DYNC2I1: variants seen among roughly 807,000 people sequenced by gnomAD.
DYNC2I1 encodes the protein dynein 2 intermediate chain 1.
Under a neutral mutation model 133.4 loss-of-function variants are expected in DYNC2I1, and 89 were observed. The observed-to-expected ratio is 0.67, with a 90% CI of 0.56 to 0.80. DYNC2I1 has a LOEUF of 0.80. Among genes scored for constraint, DYNC2I1 ranks in the 30% least tolerant of loss-of-function variants. The pLI, the probability that DYNC2I1 is intolerant of heterozygous loss-of-function variation, is 0.00. For missense variants in DYNC2I1, 1,291 were observed against 1,314.5 expected, an observed-to-expected ratio of 0.98 and a Z score of 0.28; for synonymous variants, 504 against 484.3, an observed-to-expected ratio of 1.04 and a Z score of -0.54.
chr7:158,849,868 A>G, the DYNC2I1 span, among the ~76,000 whole-genome samples: 2 of 152,216 alleles, frequency 1.3e-5, no homozygotes, highest in African/African-American at 4.8e-5. Context: ...TGGGTGGCCA[A>G]GGGCAGCCCA....
At chr7:158,915,138 G>C (rs1363442698) in intron 14 of DYNC2I1, among the ~76,000 whole-genome samples, 171 of 150,220 alleles carry the variant, frequency 1.1e-3, no homozygotes, top group East Asian at 1.2e-3. Flanking sequence ...CGCTGGTTGA[G>C]ATTAAGGATG....
chr7:158,927,077 T>G, intron 20 of DYNC2I1, 34 bp downstream of exon 20: 2 of 1,465,192 alleles, frequency 1.4e-6, no homozygotes, highest in Non-Finnish European at 1.9e-6. Context: ...ATTTTAGTGT[T>G]TTCTAAAATG....
intron 20 of DYNC2I1, 30 bp downstream of exon 20, chr7:158,927,073 G>C: frequency 6.7e-7 from 1 of 1,502,908 alleles, no homozygotes. Flanking sequence ...ATTAATTTTA[G>C]TGTTTTCTAA....
At chr7:158,886,171 G>A (rs369198085) in intron 6 of DYNC2I1, among the ~76,000 whole-genome samples, 4 of 151,524 alleles carry the variant, frequency 2.6e-5, no homozygotes, top group African/African-American at 7.3e-5. Flanking sequence ...TTGCTCTGTC[G>A]CCAGGCTGAA....
At chr7:158,911,995 G>A (rs1393264998) in intron 12 of DYNC2I1, among the ~76,000 whole-genome samples, 1 of 152,140 alleles carries the variant, frequency 6.6e-6, no homozygotes, top group East Asian at 1.9e-4. Context: ...TATTTATTTA[G>A]AGACAGTCTC....
intron 23 of DYNC2I1, among the ~76,000 whole-genome samples, chr7:158,941,168 A>G (rs191817004): frequency 3.3e-4 from 51 of 152,342 alleles, no homozygotes; most frequent in Middle Eastern, 3.4e-3. Context: ...CAGAAATACA[A>G]ATAATCATTA....
chr7:158,883,758 G>A (rs1844304541), intron 5 of DYNC2I1, among the ~76,000 whole-genome samples: 1 of 147,738 alleles, frequency 6.8e-6, no homozygotes, highest in African/African-American at 2.5e-5. Flanking sequence ...CCGCCTCCCG[G>A]GTTCACGCCA....
chr7:158,854,959 C>G (rs1183403377), upstream of DYNC2I1, among the ~76,000 whole-genome samples: 1 of 152,228 alleles, frequency 6.6e-6, no homozygotes, highest in Non-Finnish European at 1.5e-5. Context: ...CCGGCCCTGC[C>G]TTCACGGGGG....
chr7:158,842,417 G>C, the DYNC2I1 span, among the ~76,000 whole-genome samples: 1 of 152,228 alleles, frequency 6.6e-6, no homozygotes. Context: ...AGCCGACATA[G>C]TGTGACCTGG....
At chr7:158,869,572 T>C (rs1439987073) in intron 1 of DYNC2I1, 2 of 520,400 alleles carry the variant, frequency 3.8e-6, no homozygotes, top group East Asian at 1.0e-4. Flanking sequence ...CCTTCCTCTG[T>C]TGTTCAACTG....
chr7:158,926,999 T>A lies in DYNC2I1; in HGVS notation c.2441T>A (p.Val814Asp). 1 of 1,603,072 alleles carries A rather than the reference T, an allele frequency of 6.2e-7. No homozygotes were observed. Among genetic ancestry groups the A allele is most frequent in the Non-Finnish European group, 8.5e-7 (1 of 1,173,954 alleles). The change falls in exon 20 of 25, where the codon GTT becomes GAT. Residue 814 changes from valine (V) to aspartate (D), a missense_variant. By Grantham distance (152) the Val-to-Asp change is radical. Coordinates refer to ENST00000407559, the MANE Select transcript of DYNC2I1 (RefSeq NM_018051.5). ...TCAATATTCTGTTTTTAGGTGGTTG[T>A]TGAATTACCAAAGGCAGACATCGCA... ...ESGVLNVWVV[V>D]ELPKADIAGS...
chr7:158,897,751 C>T (rs1845886423), intron 8 of DYNC2I1, among the ~76,000 whole-genome samples: 3 of 152,024 alleles, frequency 2.0e-5, no homozygotes, highest in African/African-American at 7.2e-5. Flanking sequence ...TTGATTTCTG[C>T]TCTAATTATT....
rs923128079 is a variant in DYNC2I1, at chr7:158,945,353, C to T, written c.3003-228C>T. Among the ~76,000 whole-genome samples the T allele has an allele frequency of 9.9e-5, 15 of 152,190 alleles. No homozygotes were observed. The highest frequency in any genetic ancestry group is 3.1e-4 in the African/African-American group (13 of 41,440). On this transcript the variant is annotated intron_variant, in intron 24 of 24. Coordinates refer to ENST00000407559, the MANE Select transcript of DYNC2I1 (RefSeq NM_018051.5). This position sits in a 1 kb window ranked among gnomAD's most constrained non-coding sequence, Gnocchi z 4.1. ...CTCCCGGCCTGAGGAGACAGCAGCA[C>T]GTCCTCATCACTTACCTCTGCGAAG...
the DYNC2I1 span, among the ~76,000 whole-genome samples, chr7:158,848,442 A>T: frequency 6.6e-6 from 1 of 152,228 alleles, no homozygotes; most frequent in South Asian, 2.1e-4. Context: ...TCTGTCCCCC[A>T]TGAGTCTTAC....
chr7:158,919,416 G>A (rs1179380312), intron 15 of DYNC2I1, among the ~76,000 whole-genome samples: 1 of 152,228 alleles, frequency 6.6e-6, no homozygotes, highest in Non-Finnish European at 1.5e-5. Flanking sequence ...TGTTTAATCA[G>A]TTCAGACAAA....
At chr7:158,910,342 A>T (rs1332364007) in intron 11 of DYNC2I1, among the ~76,000 whole-genome samples, 1 of 146,494 alleles carries the variant, frequency 6.8e-6, no homozygotes, top group Non-Finnish European at 1.5e-5. Context: ...TGGGTGGAGC[A>T]TGATGGGCTG....
At chr7:158,915,429 G>A (rs111344611) in intron 14 of DYNC2I1, among the ~76,000 whole-genome samples, 1,969 of 143,420 alleles carry the variant, frequency 0.014, no homozygotes, top group South Asian at 0.02. Flanking sequence ...ACGTCGACAC[G>A]CTGGTTGAGA....
At chr7:158,921,811 ATCC>A (rs1210551034) in intron 15 of DYNC2I1, among the ~76,000 whole-genome samples, 3 of 152,090 alleles carry the variant, frequency 2.0e-5, no homozygotes, top group African/African-American at 7.2e-5. Context: ...TGGACTTCCT[ATCC>A]TCCTGTTTCA....
At chr7:158,895,584 A>G (rs1291294418) in intron 8 of DYNC2I1, among the ~76,000 whole-genome samples, 2 of 152,180 alleles carry the variant, frequency 1.3e-5, no homozygotes, top group African/African-American at 4.8e-5. Flanking sequence ...CAGTTCTCCA[A>G]CTTTGTTCTC....
Sources: allele counts gnomAD v4.1 joint callset (sites outside exome capture counted in the v4.1 genomes callset), GRCh38; gene constraint gnomAD v4.1.1; non-coding constraint Gnocchi (gnomAD v3.1); transcripts MANE v1.5; gene names NCBI Gene and HGNC (gene_info 2026-07-23, HGNC 2026-07-21).